Variants in PEG3 observed in about 807,000 individuals in gnomAD.
The protein encoded by PEG3 is paternally-expressed gene 3 protein.
Under a neutral mutation model 35.5 loss-of-function variants are expected in PEG3, and 23 were observed. The observed-to-expected ratio is 0.65, with a 90% CI of 0.47 to 0.92. The LOEUF (loss-of-function observed/expected upper bound fraction) is 0.92. Among genes scored for constraint, PEG3 ranks in the 40% least tolerant of loss-of-function variants. The probability of loss-of-function intolerance (pLI) is 0.00; values close to 1 mark genes in which losing one functional copy is unlikely to be tolerated. For synonymous variants in PEG3, 707 were observed against 697.0 expected (o/e 1.01, Z -0.23); for missense variants, 1,960 against 1,985.3 (o/e 0.99, Z 0.24).
chr19:56,839,076 G>A (rs2146738674), intron 1 of PEG3, among the ~76,000 whole-genome samples: 1 of 151,404 alleles, frequency 6.6e-6, no homozygotes, highest in Middle Eastern at 3.4e-3. Flanking sequence ...GCCTTGTCTC[G>A]CCCAACCAAC....
Position 56,813,993 on chromosome 19 carries a change from G to A in PEG3, c.4449C>T (p.Asp1483=), listed in dbSNP as rs774245986. Residue 1483 remains aspartate, a synonymous_variant, in exon 10 of 10, where the codon GAC becomes GAT. Transcript: ENST00000326441. ...CTTCTGGGTCTTCAATTCCCACACCGTCAGGCTCGTCGGCATCTCCCTCTG... is the reference window on the plus strand; with the variant it reads ...CTTCTGGGTCTTCAATTCCCACACCATCAGGCTCGTCGGCATCTCCCTCTG... ...EEPEGDADEP[D]GVGIEDPEEG... 6.9e-5 allele frequency: 111 copies of A among 1,613,808 alleles called. No individual in the cohort carries two copies. Among genetic ancestry groups the A allele is most frequent in the Middle Eastern group, 1.6e-4 (1 of 6,082 alleles).
Position 56,810,187 on chromosome 19 carries a change from T to A in PEG3, c.*3488A>T. The A allele has an allele frequency of 5.1e-6, 5 of 980,130 alleles. No homozygotes were observed. The highest frequency in any genetic ancestry group is 6.1e-6 in the Non-Finnish European group (5 of 825,204). The allele number at this position is 980,130 out of a possible 1,614,324, so 60.7% of individuals were successfully genotyped here. ...GCACAGAAACAAGATGAAGAAAATA[T>A]ATCAAGATGTTAACCACACTCTTTG... is the stretch of plus-strand genomic sequence containing the variant. On this transcript the variant is annotated 3_prime_UTR_variant, in exon 10 of 10. Coordinates refer to ENST00000326441, the MANE Select transcript of PEG3 (RefSeq NM_006210.3).
intron 7 of PEG3, 123 bp downstream of exon 7, chr19:56,821,528 C>G (rs1464201250): frequency 2.6e-6 from 3 of 1,176,206 alleles, no homozygotes; most frequent in African/African-American, 1.5e-5. Context: ...CCTCCTGGAG[C>G]GCTGGGACTC....
chr19:56,815,985 AC>A lies in PEG3; in HGVS notation c.2456del (p.Arg819LeufsTer20). On this transcript the variant is annotated frameshift_variant, in exon 10 of 10. Transcript: ENST00000326441. LOFTEE classifies it low-confidence loss of function (END_TRUNC). ...TTCCTTCAGAGGTGTTCCCTCCAGC[AC>A]GAACTCTCTGATGGTTGATAGCATC... Reference protein sequence around the residue: ...SFDAINHQRVRAGGNTSEGRE... With the variant: ...SFDAINHQRVXAGGNTSEGRE... The A allele has an allele frequency of 1.3e-6, 2 of 1,584,900 alleles. No individual in the cohort carries two copies. Among genetic ancestry groups the A allele is most frequent in the Non-Finnish European group, 1.7e-6 (2 of 1,166,560 alleles).
intron 2 of PEG3, among the ~76,000 whole-genome samples, chr19:56,830,376 A>C (rs1418072853): frequency 6.6e-6 from 1 of 152,254 alleles, no homozygotes; most frequent in African/African-American, 2.4e-5. Flanking sequence ...GCAGTATTTC[A>C]AGTTAAAAAA....
chr19:56,838,175 C>A (rs1174670627), intron 1 of PEG3, among the ~76,000 whole-genome samples: 1 of 152,208 alleles, frequency 6.6e-6, no homozygotes, highest in African/African-American at 2.4e-5. Context: ...CTACAGCCAA[C>A]CCAGCAGTCA....
chr19:56,833,789 T>C (rs540842928), intron 2 of PEG3: 15 of 152,662 alleles, frequency 9.8e-5, no homozygotes, highest in Admixed American at 5.9e-4. Context: ...ATATGGGACA[T>C]AGGGACTTTA....
chr19:56,835,942 G>C (rs2062055651), intron 2 of PEG3, 76 bp downstream of exon 2: 2 of 466,210 alleles, frequency 4.3e-6, no homozygotes, highest in South Asian at 3.1e-5. Context: ...TATGCAGTAG[G>C]AAAGTGTCAG....
chr19:56,820,585 C>A lies in PEG3; in HGVS notation c.669+1066G>T, dbSNP rs11880576. Among the ~76,000 whole-genome samples, 283 of 152,302 alleles carry A rather than the reference C, an allele frequency of 1.9e-3. 1 individual carries two copies. The highest frequency in any genetic ancestry group is 6.7e-3 in the African/African-American group (277 of 41,560). ...CTGAGCTCTCCCTAATGCCTGGGGT[C>A]CCCTCCCCCAACACCTGACCCGGCG... On this transcript the variant is annotated intron_variant, in intron 7 of 9. Coordinates refer to ENST00000326441, the MANE Select transcript of PEG3 (RefSeq NM_006210.3).
chr19:56,823,730 A>C (rs1332737435), intron 4 of PEG3, 51 bp from the exon 5 acceptor site: 42 of 1,600,578 alleles, frequency 2.6e-5, no homozygotes, highest in Non-Finnish European at 3.4e-5. Context: ...CATTCTCACA[A>C]TAGTTCCCCC....
chr19:56,817,386 A>T lies in PEG3; in HGVS notation c.1056T>A (p.Ile352=), dbSNP rs765140629. The T allele has an allele frequency of 1.2e-6, 2 of 1,613,988 alleles. No homozygotes were observed. Among genetic ancestry groups the T allele is most frequent in the Non-Finnish European group, 8.5e-7 (1 of 1,179,918 alleles). The change falls in exon 10 of 10, where the codon ATT becomes ATA. Residue 352 remains isoleucine (I), a synonymous_variant. Coordinates refer to ENST00000326441, the MANE Select transcript of PEG3 (RefSeq NM_006210.3). ...TCACTGACTCCCTCTTGTTCAATGA[A>T]ATGTCCTTCCAGTTATCATCTGACA... ...PRMSDDNWKD[I]SLNKRESVIQ... is the part of the protein sequence containing the mutation.
Position 56,810,929 on chromosome 19 carries a change from G to A in PEG3, c.*2746C>T. On this transcript the variant is annotated 3_prime_UTR_variant, in exon 10 of 10. Transcript: ENST00000326441. ...CACTGTTATCAGGACATTATTATAG[G>A]GAACATTTGAAAAAATTAAAGTGAA... is the stretch of plus-strand genomic sequence containing the variant. The A allele has an allele frequency of 1.0e-6, 1 of 967,590 alleles. No homozygotes were observed. Among genetic ancestry groups the A allele is most frequent in the Non-Finnish European group, 1.2e-6 (1 of 813,856 alleles). 59.9% of individuals were successfully genotyped at this position (967,590 alleles called of 1,614,324 possible).
At chr19:56,821,381 T>C (rs954545207) in intron 7 of PEG3, among the ~76,000 whole-genome samples, 10 of 152,110 alleles carry the variant, frequency 6.6e-5, no homozygotes, top group African/African-American at 1.2e-4. Flanking sequence ...CCTGGCCCTG[T>C]AGGGAACGGC....
Position 56,816,558 on chromosome 19 carries a change from T to A in PEG3, c.1884A>T (p.Glu628Asp). 3 of 1,614,066 alleles carry A rather than the reference T, an allele frequency of 1.9e-6. No homozygotes were observed. The highest frequency in any genetic ancestry group is 2.5e-6 in the Non-Finnish European group (3 of 1,179,960). The change falls in exon 10 of 10, where the codon GAA (glutamate) becomes GAT (aspartate). Residue 628 changes from glutamate (E) to aspartate (D), a missense_variant. Glu to Asp is a conservative substitution (Grantham distance 45). This residue lies in a region of PEG3 where 798 missense variants were observed against 782.4 expected (regional missense o/e 1.02). Coordinates refer to ENST00000326441, the MANE Select transcript of PEG3 (RefSeq NM_006210.3). ...QKMYGKEKMY[E>D]CKVCGETFLH... ...GGAAAGTCTCCCCACACACCTTACA[T>A]TCGTACATTTTCTCTTTACCATACA...
Position 56,816,042 on chromosome 19 carries a change from T to G in PEG3, c.2400A>C (p.Lys800Asn). ...TCTGAATGGTAGACTCTGCCATTAC[T>G]TTTGGTTTACTGGGCCCTGCTACAC... ...SHSVAGPSKP[K>N]VMAESTIQSF... Residue 800 changes from lysine (K) to asparagine (N), a missense_variant, in exon 10 of 10, where the codon AAA (lysine) becomes AAC (asparagine). Around this residue, in one of 5 missense-constraint regions of PEG3, gnomAD observed 798 missense variants for 782.4 expected, o/e 1.02. Transcript: ENST00000326441. The G allele has an allele frequency of 6.3e-7, 1 of 1,597,146 alleles. No homozygotes were observed. The highest frequency in any genetic ancestry group is 1.1e-5 in the South Asian group (1 of 88,102).
At position 56,815,672 on chromosome 19, in the gene PEG3, C is replaced by G; in HGVS notation, c.2770G>C (p.Val924Leu). Residue 924 changes from valine to leucine, a missense_variant, in exon 10 of 10, where the codon GTT becomes CTT. By Grantham distance (32) the Val-to-Leu change is conservative. This residue lies in a region of PEG3 where 798 missense variants were observed against 782.4 expected (regional missense o/e 1.02). Transcript: ENST00000326441. Reference sequence around the variant, plus strand: ...TATTCACGGACATTTGAGCTGGGAACAGAGAATTCGCCATCCTTCTTAAAC... The same window carrying G: ...TATTCACGGACATTTGAGCTGGGAAGAGAGAATTCGCCATCCTTCTTAAAC... ...GEFKKDGEFS[V>L]PSSNVREYQK... is the part of the protein sequence containing the mutation. The G allele has an allele frequency of 6.2e-7, 1 of 1,614,186 alleles. No individual in the cohort carries two copies. Among genetic ancestry groups the G allele is most frequent in the Non-Finnish European group, 8.5e-7 (1 of 1,180,020 alleles).
intron 7 of PEG3, among the ~76,000 whole-genome samples, chr19:56,819,808 A>G (rs1416711434): frequency 6.6e-6 from 1 of 152,172 alleles, no homozygotes; most frequent in African/African-American, 2.4e-5. Context: ...TAAATCTACC[A>G]TAGTTCTATT....
rs201619349 is a variant in PEG3, at chr19:56,822,738, G to C, written c.565+15C>G. On this transcript the variant is annotated intron_variant, in intron 6 of 9. Coordinates refer to ENST00000326441, the MANE Select transcript of PEG3 (RefSeq NM_006210.3). ...TCTATATCTCCTACTGGGAAAGAAAGTGGTTAAGACTCACTGCTTCTTGGG... is the reference window on the plus strand; with the variant it reads ...TCTATATCTCCTACTGGGAAAGAAACTGGTTAAGACTCACTGCTTCTTGGG... 4 of 1,613,728 alleles carry C rather than the reference G, an allele frequency of 2.5e-6. No individual in the cohort carries two copies. In the East Asian group the frequency reaches 8.9e-5, roughly 36 times the overall value.
intron 6 of PEG3, 142 bp downstream of exon 6, chr19:56,822,611 G>T: frequency 8.7e-7 from 1 of 1,148,494 alleles, no homozygotes; most frequent in Non-Finnish European, 1.2e-6. Context: ...AAAAATACGA[G>T]CCTTGGACTA....
Sources: allele counts gnomAD v4.1 joint callset (sites outside exome capture counted in the v4.1 genomes callset), GRCh38; gene constraint gnomAD v4.1.1; regional missense constraint gnomAD v4.1.1; transcripts MANE v1.5; gene names NCBI Gene and HGNC (gene_info 2026-07-23, HGNC 2026-07-21).